Variants in HNRNPC observed in about 807,000 individuals in gnomAD.
The protein encoded by HNRNPC is heterogeneous nuclear ribonucleoproteins C1/C2.
Under a neutral mutation model 33.2 loss-of-function variants are expected in HNRNPC, and 3 were observed. That is an observed-to-expected ratio of 0.09 (90% confidence interval 0.04 to 0.23). The LOEUF (loss-of-function observed/expected upper bound fraction) is 0.23. Among genes scored for constraint, HNRNPC ranks in the 10% least tolerant of loss-of-function variants. The probability of loss-of-function intolerance (pLI) is 1.00; values close to 1 mark genes in which losing one functional copy is unlikely to be tolerated. For missense variants in HNRNPC, 143 were observed against 366.7 expected, an observed-to-expected ratio of 0.39 and a Z score of 4.98; for synonymous variants, 121 against 126.7, an observed-to-expected ratio of 0.96 and a Z score of 0.30.
At chr14:21,250,483 T>C (rs1296952245) in intron 2 of HNRNPC, among the ~76,000 whole-genome samples, 2 of 152,210 alleles carry the variant, frequency 1.3e-5, no homozygotes, top group Admixed American at 6.5e-5. Flanking sequence ...GTATTTTGAA[T>C]GTTAATCTCA....
At chr14:21,216,907 T>C (rs34715397) in intron 5 of HNRNPC, among the ~76,000 whole-genome samples, 23,628 of 152,094 alleles carry the variant, frequency 0.16, 2,083 homozygotes, top group Admixed American at 0.24. Context: ...CCGAAAACAA[T>C]AAATCCGTTA....
At chr14:21,250,923 C>G (rs942582868) in intron 2 of HNRNPC, among the ~76,000 whole-genome samples, 1 of 152,148 alleles carries the variant, frequency 6.6e-6, no homozygotes, top group African/African-American at 2.4e-5. Context: ...TATGCTGGAG[C>G]ACAGGCTATT....
intron 1 of HNRNPC, among the ~76,000 whole-genome samples, chr14:21,265,706 A>G (rs1473357422): frequency 6.6e-6 from 1 of 152,220 alleles, no homozygotes; most frequent in South Asian, 2.1e-4. Context: ...TGAGCCCGGG[A>G]GGCAGAGGGT....
intron 2 of HNRNPC, among the ~76,000 whole-genome samples, chr14:21,248,061 G>C (rs1407440081): frequency 2.0e-5 from 3 of 151,916 alleles, no homozygotes; most frequent in African/African-American, 7.2e-5. Context: ...CTTAAAATGA[G>C]GTCACATTTT....
chr14:21,231,123 C>G, intron 3 of HNRNPC, 51 bp from the exon 4 acceptor site: 1 of 1,530,324 alleles, frequency 6.5e-7, no homozygotes, highest in Non-Finnish European at 9.0e-7. Context: ...CCGGGTAAAA[C>G]AAACTACAAA....
chr14:21,234,924 C>T (rs1197981246), intron 2 of HNRNPC: 2 of 146,152 alleles, frequency 1.4e-5, no homozygotes, highest in Non-Finnish European at 3.1e-5. Context: ...TCGAAGGCTA[C>T]TTTTTATATA....
At chr14:21,252,446 G>T (rs144214478) in intron 2 of HNRNPC, among the ~76,000 whole-genome samples, 1 of 152,102 alleles carries the variant, frequency 6.6e-6, no homozygotes, top group African/African-American at 2.4e-5. Flanking sequence ...AAGTAGCTGG[G>T]ATTACACACA....
At chr14:21,253,836 C>G (rs904014899) in intron 2 of HNRNPC, among the ~76,000 whole-genome samples, 1 of 151,820 alleles carries the variant, frequency 6.6e-6, no homozygotes, top group Non-Finnish European at 1.5e-5. Context: ...GAGGCTAAGG[C>G]GGGCAGATCA....
intron 5 of HNRNPC, among the ~76,000 whole-genome samples, chr14:21,214,677 G>A (rs1891964842): frequency 6.6e-6 from 1 of 152,164 alleles, no homozygotes; most frequent in South Asian, 2.1e-4. Flanking sequence ...AAAAGATACT[G>A]AGTAACTTTT....
chr14:21,231,161 G>T, intron 3 of HNRNPC, 89 bp from the exon 4 acceptor site: 1 of 1,322,904 alleles, frequency 7.6e-7, no homozygotes, highest in Non-Finnish European at 1.1e-6. Context: ...TTGAGACATA[G>T]TTTCGCTTTC....
intron 2 of HNRNPC, chr14:21,262,641 CT>C (rs1435018101): frequency 6.6e-6 from 1 of 152,406 alleles, no homozygotes; most frequent in Non-Finnish European, 1.5e-5. Flanking sequence ...GAAGGCCCCC[CT>C]GGCTCCAGGT....
intron 5 of HNRNPC, among the ~76,000 whole-genome samples, chr14:21,221,086 C>CA (rs1403663068): frequency 1.3e-5 from 2 of 151,928 alleles, no homozygotes; most frequent in Non-Finnish European, 2.9e-5. Flanking sequence ...GATCCTGTCT[C>CA]AAAAAAACAA....
intron 1 of HNRNPC, among the ~76,000 whole-genome samples, chr14:21,267,122 A>AAC (rs1879148384): frequency 1.5e-5 from 2 of 133,378 alleles, no homozygotes; most frequent in Admixed American, 1.6e-4. Flanking sequence ...AAAAAAAAAA[A>AAC]AAAAACAAAA....
chr14:21,251,391 G>A (rs1437862681), intron 2 of HNRNPC, among the ~76,000 whole-genome samples: 1 of 151,316 alleles, frequency 6.6e-6, no homozygotes, highest in Non-Finnish European at 1.5e-5. Context: ...GGTCTACAAT[G>A]CTTGCAGCCA....
intron 2 of HNRNPC, among the ~76,000 whole-genome samples, chr14:21,234,559 CA>C (rs1324974732): frequency 6.6e-6 from 1 of 152,254 alleles, no homozygotes; most frequent in East Asian, 1.9e-4. Flanking sequence ...AGTACTCAAG[CA>C]AATTAGATTT....
chr14:21,230,621 TGAA>T (rs1894005882), intron 4 of HNRNPC: 1 of 517,562 alleles, frequency 1.9e-6, no homozygotes, highest in African/African-American at 1.9e-5. Context: ...AACTAAACAC[TGAA>T]AAACAGAATG....
chr14:21,213,295 T>C (rs980789363), intron 5 of HNRNPC, 178 bp from the exon 6 acceptor site: 2 of 607,764 alleles, frequency 3.3e-6, no homozygotes, highest in Non-Finnish European at 5.6e-6. Context: ...ATCCCATTAT[T>C]TCTTTACCTA....
chr14:21,259,882 C>CAAAAAA (rs5807071), intron 2 of HNRNPC, among the ~76,000 whole-genome samples: 1 of 132,900 alleles, frequency 7.5e-6, no homozygotes, highest in South Asian at 2.4e-4. Flanking sequence ...CTGTCTCCAC[C>CAAAAAA]AAAAAAAAAA....
At position 21,226,897 on chromosome 14, in the gene HNRNPC, G is replaced by GAAAAAA. The variant is rs1566608876; in HGVS notation, c.365+3421_365+3422insTTTTTT. 3.3e-3 allele frequency among the ~76,000 whole-genome samples: 171 copies of GAAAAAA among 52,308 alleles called. 1 individual carries two copies. The highest frequency in any genetic ancestry group is 4.5e-3 in the Non-Finnish European group (129 of 28,956). The allele number at this position is 52,308 out of a possible 152,430, so 34.3% of individuals were successfully genotyped here. On this transcript the variant is annotated intron_variant, in intron 5 of 8. Coordinates refer to ENST00000553300, the MANE Select transcript of HNRNPC (RefSeq NM_004500.4). ...CCATCTCAAAAAAAAAAAAAAAAAG[G>GAAAAAA]GGGGGGGGGGACAGTGATTTTTACT...
Sources: allele counts gnomAD v4.1 joint callset (sites outside exome capture counted in the v4.1 genomes callset), GRCh38; gene constraint gnomAD v4.1.1; transcripts MANE v1.5; gene names NCBI Gene and HGNC (gene_info 2026-07-23, HGNC 2026-07-21).